GRAP2: variants seen among roughly 807,000 people sequenced by gnomAD.
GRAP2 encodes GRB2-related adapter protein 2.
Under a neutral mutation model 43.5 loss-of-function variants are expected in GRAP2, and 31 were observed. The ratio of observed to expected loss-of-function variants is 0.71; its 90% CI spans 0.54 to 0.96. GRAP2 has a LOEUF of 0.96. Ranked by LOEUF, GRAP2 falls within the 40% of genes least tolerant of loss-of-function variation. GRAP2 has a pLI of 0.00. For missense variants in GRAP2, 371 were observed against 424.4 expected, an observed-to-expected ratio of 0.87 and a Z score of 1.11; for synonymous variants, 156 against 164.8, an observed-to-expected ratio of 0.95 and a Z score of 0.41.
At chr22:39,908,974 C>T (rs2066540882) in intron 1 of GRAP2, among the ~76,000 whole-genome samples, 1 of 152,172 alleles carries the variant, frequency 6.6e-6, no homozygotes, top group South Asian at 2.1e-4. Context: ...TCACAGATGA[C>T]TCACTGTGCC....
chr22:39,905,469 C>G (rs2066517100), intron 1 of GRAP2, among the ~76,000 whole-genome samples: 1 of 152,072 alleles, frequency 6.6e-6, no homozygotes, highest in South Asian at 2.1e-4. Flanking sequence ...AGCGAATGAA[C>G]TGGGACGAGT....
chr22:39,956,720 C>T (rs568161748), intron 3 of GRAP2, among the ~76,000 whole-genome samples: 51 of 152,210 alleles, frequency 3.4e-4, no homozygotes, highest in African/African-American at 1.0e-3. Context: ...CCACCCGCCT[C>T]GGCCTCCCAA....
chr22:39,917,201 G>A (rs544832486), intron 1 of GRAP2, among the ~76,000 whole-genome samples: 7 of 152,282 alleles, frequency 4.6e-5, no homozygotes, highest in African/African-American at 1.4e-4. Flanking sequence ...ATGGATTAGC[G>A]CTGTGTTGTT....
intron 1 of GRAP2, among the ~76,000 whole-genome samples, chr22:39,909,575 C>T (rs981006932): frequency 6.6e-6 from 1 of 152,196 alleles, no homozygotes; most frequent in Non-Finnish European, 1.5e-5. Context: ...GAAATTCACT[C>T]AGTCCCTAGC....
chr22:39,901,139 G>T lies in GRAP2; in HGVS notation c.-206G>T, dbSNP rs2066489965. 4 of 442,500 alleles carry T rather than the reference G, an allele frequency of 9.0e-6. No individual in the cohort carries two copies. The Admixed American group carries it at 1.0e-4, about 11-fold the overall frequency. The allele number at this position is 442,500 out of a possible 1,614,324, so 27.4% of individuals were successfully genotyped here. On this transcript the variant is annotated 5_prime_UTR_variant, in exon 1 of 8. It adds an upstream start codon to the 5' untranslated region. Coordinates refer to ENST00000344138, the MANE Select transcript of GRAP2 (RefSeq NM_004810.4). ...AGGAGGGAGTAAGAGGTGGGGAGGA[G>T]GAGGCACAGTTAATGGATCTGTAAA...
chr22:39,921,107 G>GAGCTT (rs1484596755), intron 1 of GRAP2, among the ~76,000 whole-genome samples: 1 of 152,092 alleles, frequency 6.6e-6, no homozygotes, highest in Non-Finnish European at 1.5e-5. Context: ...GAGCTTTCTT[G>GAGCTT]AGCTTAGCTT....
At chr22:39,942,335 G>A (rs2066879810) in intron 1 of GRAP2, among the ~76,000 whole-genome samples, 1 of 152,136 alleles carries the variant, frequency 6.6e-6, no homozygotes, top group Admixed American at 6.5e-5. Context: ...CAACAAGGCT[G>A]TGGATTCTGT....
At chr22:39,906,303 T>C (rs188120490) in intron 1 of GRAP2, among the ~76,000 whole-genome samples, 1 of 152,354 alleles carries the variant, frequency 6.6e-6, no homozygotes, top group East Asian at 1.9e-4. Flanking sequence ...TAAGAGACGA[T>C]GGATGACTGT....
chr22:39,965,596 C>T (rs2145676639), intron 4 of GRAP2, among the ~76,000 whole-genome samples: 1 of 152,326 alleles, frequency 6.6e-6, no homozygotes. Context: ...CAAAGAATTT[C>T]TGGTAACAGA....
the GRAP2 span, among the ~76,000 whole-genome samples, chr22:39,895,538 A>G: frequency 1.3e-5 from 2 of 152,332 alleles, no homozygotes; most frequent in South Asian, 4.1e-4. Context: ...GGGACAAACT[A>G]CAAGTATTTT....
intron 2 of GRAP2, among the ~76,000 whole-genome samples, chr22:39,953,752 G>A (rs1019088548): frequency 2.0e-5 from 3 of 152,146 alleles, no homozygotes; most frequent in African/African-American, 7.2e-5. Flanking sequence ...TGGGACTACA[G>A]GTGCGCTTCC....
At chr22:39,965,385 C>CA (rs2067161941) in intron 4 of GRAP2, among the ~76,000 whole-genome samples, 1 of 152,120 alleles carries the variant, frequency 6.6e-6, no homozygotes. Flanking sequence ...AAAAACAAAA[C>CA]AAACAAACAA....
At chr22:39,923,978 T>C (rs1001216068) in intron 1 of GRAP2, among the ~76,000 whole-genome samples, 1 of 152,204 alleles carries the variant, frequency 6.6e-6, no homozygotes, top group African/African-American at 2.4e-5. Context: ...TCCCACGTGC[T>C]GCTCACTGGC....
Position 39,964,685 on chromosome 22 carries a change from A to C in GRAP2, c.291-1305A>C, listed in dbSNP as rs1050739956. 3 of 487,758 alleles carry C rather than the reference A, an allele frequency of 6.2e-6. No homozygotes were observed. The African/African-American group carries it at 6.4e-5, about 10-fold the overall frequency. 30.2% of individuals were successfully genotyped at this position (487,758 alleles called of 1,614,324 possible). On this transcript the variant is annotated intron_variant, in intron 4 of 7. Coordinates refer to ENST00000344138, the MANE Select transcript of GRAP2 (RefSeq NM_004810.4). ...TAGTTGGAATTAAGTGTCGTCTTGG[A>C]GCTGTTGTACATTTAAGAATAAACT...
chr22:39,941,267 T>C (rs183525584), intron 1 of GRAP2, among the ~76,000 whole-genome samples: 1 of 152,328 alleles, frequency 6.6e-6, no homozygotes, highest in Admixed American at 6.5e-5. Context: ...ACACCTACTG[T>C]GTATCAGAGT....
In GRAP2 at chr22:39,969,836, C is replaced by T. The variant is rs554440307; in HGVS notation, c.813+303C>T. On this transcript the variant is annotated intron_variant, in intron 7 of 7. Transcript: ENST00000344138. ...GGCTGAGGCAGGAGAATTGCTTGAA[C>T]CCAGGAGGCAGAGGTTGCAGTGAGC... 2.6e-4 allele frequency among the ~76,000 whole-genome samples: 39 copies of T among 152,276 alleles called. 2 individuals are homozygous for T. The highest frequency in any genetic ancestry group is 2.4e-3 in the Admixed American group (36 of 15,298).
chr22:39,967,574 T>A (rs2067187848), intron 5 of GRAP2, among the ~76,000 whole-genome samples: 1 of 152,192 alleles, frequency 6.6e-6, no homozygotes. Context: ...CTGGTTCCCA[T>A]GGTGTTGCAA....
intron 2 of GRAP2, among the ~76,000 whole-genome samples, chr22:39,950,791 T>C (rs1340541310): frequency 1.3e-5 from 2 of 152,238 alleles, no homozygotes; most frequent in Non-Finnish European, 2.9e-5. Context: ...CCACAGAATG[T>C]CTACAGGATG....
the GRAP2 span, among the ~76,000 whole-genome samples, chr22:39,894,669 AG>A: frequency 1.3e-5 from 2 of 152,232 alleles, no homozygotes; most frequent in Non-Finnish European, 2.9e-5. Context: ...TGATGGCTTC[AG>A]GTGCCACTGA....
Sources: allele counts gnomAD v4.1 joint callset (sites outside exome capture counted in the v4.1 genomes callset), GRCh38; gene constraint gnomAD v4.1.1; transcripts MANE v1.5; gene names NCBI Gene and HGNC (gene_info 2026-07-23, HGNC 2026-07-21).